Variants in PLA2G12B observed in about 807,000 individuals in gnomAD.
PLA2G12B encodes the protein group XIIB secretory phospholipase A2-like protein.
Under a neutral mutation model 22.3 loss-of-function variants are expected in PLA2G12B, and 19 were observed. The ratio of observed to expected loss-of-function variants is 0.85; its 90% CI spans 0.60 to 1.25. PLA2G12B has a LOEUF of 1.25. Among genes scored for constraint, PLA2G12B ranks in the 50% most tolerant of loss-of-function variants. The probability of loss-of-function intolerance (pLI) is 0.00; values close to 1 mark genes in which losing one functional copy is unlikely to be tolerated. For synonymous variants in PLA2G12B, 81 were observed against 94.9 expected, an observed-to-expected ratio of 0.85 and a Z score of 0.85; for missense variants, 191 against 246.6, an observed-to-expected ratio of 0.77 and a Z score of 1.51.
chr10:72,946,374 G>A (rs1219308715), intron 1 of PLA2G12B, among the ~76,000 whole-genome samples: 2 of 152,138 alleles, frequency 1.3e-5, no homozygotes, highest in Non-Finnish European at 2.9e-5. Context: ...AGACATTTGG[G>A]TTGTTTTCAC....
rs1016300960 is a variant in PLA2G12B, at chr10:72,954,784, GA to G, written c.-100del. 2.4e-6 allele frequency: 3 copies of G among 1,240,452 alleles called. No homozygotes were observed. The highest frequency in any genetic ancestry group is 2.1e-5 in the Admixed American group (1 of 46,652). 76.8% of individuals were successfully genotyped at this position (1,240,452 alleles called of 1,614,324 possible). ...CTACCCAGATGTCAGGCAGGACTGG[GA>G]AAGGGATTATCTGGAACATTCAATC... On this transcript the variant is annotated 5_prime_UTR_variant, in exon 1 of 4. The change creates a premature stop within an existing upstream ORF in the 5' untranslated region. Coordinates refer to ENST00000373032, the MANE Select transcript of PLA2G12B (RefSeq NM_032562.5).
intron 3 of PLA2G12B, among the ~76,000 whole-genome samples, chr10:72,940,482 G>A (rs562691204): frequency 3.1e-5 from 4 of 130,146 alleles, no homozygotes; most frequent in Admixed American, 6.7e-5. Flanking sequence ...AGGCTGAGGC[G>A]GGCAACATGG....
intron 1 of PLA2G12B, among the ~76,000 whole-genome samples, chr10:72,951,815 T>G (rs1182917234): frequency 6.6e-6 from 1 of 152,192 alleles, no homozygotes; most frequent in Non-Finnish European, 1.5e-5. Flanking sequence ...ACGCTGGATC[T>G]TGTCATATTT....
At chr10:72,941,039 CCA>C (rs1846351932) in intron 3 of PLA2G12B, 128 bp downstream of exon 3, 1 of 1,039,590 alleles carries the variant, frequency 9.6e-7, no homozygotes, top group East Asian at 2.7e-5. Context: ...TCTTGCTCAG[CCA>C]CAGTGTTCCA....
At chr10:72,939,401 G>GA (rs149773202) in intron 3 of PLA2G12B, among the ~76,000 whole-genome samples, 5,935 of 151,962 alleles carry the variant, frequency 0.039, 390 homozygotes, top group African/African-American at 0.14. Context: ...GGCCCATAAG[G>GA]AAAAATCAAA....
intron 1 of PLA2G12B, among the ~76,000 whole-genome samples, chr10:72,946,885 G>A (rs1007258362): frequency 2.0e-5 from 3 of 150,708 alleles, no homozygotes; most frequent in South Asian, 2.1e-4. Context: ...GTCTTTTCAC[G>A]TTTTTGATGG....
At chr10:72,945,321 C>T (rs1846422693) in intron 1 of PLA2G12B, among the ~76,000 whole-genome samples, 1 of 152,114 alleles carries the variant, frequency 6.6e-6, no homozygotes, top group South Asian at 2.1e-4. Flanking sequence ...CTCTTACTCT[C>T]CCTCTCTCTC....
chr10:72,941,125 G>A, intron 3 of PLA2G12B, 44 bp downstream of exon 3: 2 of 1,572,336 alleles, frequency 1.3e-6, no homozygotes. Flanking sequence ...GTGAAAACAG[G>A]AACAAACCTC....
intron 3 of PLA2G12B, among the ~76,000 whole-genome samples, chr10:72,940,446 C>T (rs1447302612): frequency 2.4e-5 from 3 of 123,188 alleles, no homozygotes; most frequent in Non-Finnish European, 1.5e-5. Flanking sequence ...CGCGGTGGCT[C>T]ACACCTATAA....
At chr10:72,940,354 TA>T (rs1444214275) in intron 3 of PLA2G12B, among the ~76,000 whole-genome samples, 1 of 152,134 alleles carries the variant, frequency 6.6e-6, no homozygotes, top group Non-Finnish European at 1.5e-5. Flanking sequence ...TTTTCCTAAG[TA>T]AATTAGGAAA....
At chr10:72,947,399 T>G (rs959498390) in intron 1 of PLA2G12B, among the ~76,000 whole-genome samples, 1 of 152,064 alleles carries the variant, frequency 6.6e-6, no homozygotes, top group Non-Finnish European at 1.5e-5. Context: ...TCACTGCACC[T>G]GACTAATTTT....
intron 1 of PLA2G12B, among the ~76,000 whole-genome samples, 180 bp downstream of exon 1, chr10:72,954,295 T>C (rs917163039): frequency 1.2e-4 from 18 of 152,224 alleles, no homozygotes; most frequent in Admixed American, 7.9e-4. Context: ...CTTATACTAA[T>C]GACTTATTTG....
At chr10:72,938,563 T>A (rs1025990902) in intron 3 of PLA2G12B, among the ~76,000 whole-genome samples, 2 of 151,916 alleles carry the variant, frequency 1.3e-5, no homozygotes, top group Non-Finnish European at 2.9e-5. Flanking sequence ...AAAATAAAAT[T>A]TAAATACAAT....
At chr10:72,952,788 T>C (rs7898735) in intron 1 of PLA2G12B, among the ~76,000 whole-genome samples, 31,601 of 152,124 alleles carry the variant, frequency 0.21, 5,963 homozygotes, top group African/African-American at 0.5. Context: ...TATTTGCCTT[T>C]CTCTTCTATT....
intron 2 of PLA2G12B, among the ~76,000 whole-genome samples, chr10:72,941,647 C>T (rs1445076573): frequency 1.3e-5 from 2 of 152,052 alleles, no homozygotes; most frequent in Non-Finnish European, 2.9e-5. Flanking sequence ...GAAGGGTAGT[C>T]AAGAGAGCAG....
At chr10:72,935,768 T>A in intron 3 of PLA2G12B, 30 bp from the exon 4 acceptor site, 1 of 1,608,928 alleles carries the variant, frequency 6.2e-7, no homozygotes, top group Non-Finnish European at 8.5e-7. Flanking sequence ...GACAGAAAGG[T>A]TAACCCTGAG....
chr10:72,942,862 C>T, intron 1 of PLA2G12B, 122 bp from the exon 2 acceptor site: 1 of 771,782 alleles, frequency 1.3e-6, no homozygotes, highest in Non-Finnish European at 2.1e-6. Flanking sequence ...AGTCACTGTT[C>T]CTCACATCCA....
At chr10:72,949,549 T>C in intron 1 of PLA2G12B, among the ~76,000 whole-genome samples, 1 of 152,242 alleles carries the variant, frequency 6.6e-6, no homozygotes, top group Non-Finnish European at 1.5e-5. Context: ...CTCAATGATA[T>C]GATTTTTCTA....
chr10:72,942,395 C>G (rs902729795), intron 2 of PLA2G12B, among the ~76,000 whole-genome samples: 2 of 152,076 alleles, frequency 1.3e-5, no homozygotes, highest in Non-Finnish European at 2.9e-5. Context: ...GTCATGATGC[C>G]CTAAGCCTCA....
Sources: gnomAD v4.1 joint callset for allele counts (sites outside exome capture counted in the v4.1 genomes callset) on GRCh38, gnomAD v4.1.1 for gene constraint, MANE v1.5 for transcripts, NCBI Gene and HGNC (gene_info 2026-07-23, HGNC 2026-07-21) for gene names.